The following NECTIN1 variants were observed in gnomAD, a reference collection of about 807,000 sequenced individuals.
NECTIN1 encodes the protein nectin cell adhesion molecule 1, also known as nectin-1.
NECTIN1 carries 23 observed loss-of-function variants against 48.0 expected under a neutral mutation model. That is an observed-to-expected ratio of 0.48 (90% confidence interval 0.34 to 0.68). The LOEUF is 0.68. Ranked by LOEUF, NECTIN1 falls within the 30% of genes least tolerant of loss-of-function variation. The pLI is 0.01. For missense variants in NECTIN1, 591 were observed against 709.9 expected (o/e 0.83, Z 1.90); for synonymous variants, 270 against 288.9 (o/e 0.93, Z 0.66).
intron 5 of NECTIN1, among the ~76,000 whole-genome samples, chr11:119,643,803 G>A (rs892338862): frequency 3.3e-5 from 5 of 152,372 alleles, no homozygotes; most frequent in Admixed American, 2.0e-4. Context: ...GCTGTGAGCC[G>A]GGAGAGCTGG....
Position 119,664,389 on chromosome 11 carries a change from G to C in NECTIN1, c.*358C>G, listed in dbSNP as rs1470083343. On this transcript the variant is annotated 3_prime_UTR_variant, in exon 6 of 6. Transcript: ENST00000264025. ...GAAACACAAACAAATTCCAGTGTAG[G>C]GGGGCGGGGGAGGCTGGCTCCCCAA... is the stretch of plus-strand genomic sequence containing the variant. 6 of 1,070,266 alleles carry C rather than the reference G, an allele frequency of 5.6e-6. No individual in the cohort carries two copies. The South Asian group carries it at 2.3e-4, about 41-fold the overall frequency. The allele number at this position is 1,070,266 out of a possible 1,614,324, so 66.3% of individuals were successfully genotyped here.
chr11:119,638,949 G>T, intron 6 of NECTIN1: 1 of 727,344 alleles, frequency 1.4e-6, no homozygotes. Flanking sequence ...CTCCTGAGAG[G>T]CCAGAGCTTG....
At chr11:119,638,918 G>A (rs1397777191) in intron 6 of NECTIN1, 9 of 924,340 alleles carry the variant, frequency 9.7e-6, no homozygotes, top group Non-Finnish European at 1.5e-5. Flanking sequence ...GCAGGCCCGG[G>A]AGCTCTGCTT....
At chr11:119,716,839 GGCGCGTGCACACGCGCGCGCACGC>G (rs1173981587) in intron 1 of NECTIN1, among the ~76,000 whole-genome samples, 1 of 152,234 alleles carries the variant, frequency 6.6e-6, no homozygotes, top group African/African-American at 2.4e-5. Context: ...ATCAGAAGCA[GGCGCGTGCACACGCGCGCGCACGC>G]ACGCACGCAC....
chr11:119,639,527 G>A, intron 6 of NECTIN1: 1 of 402,640 alleles, frequency 2.5e-6, no homozygotes, highest in Non-Finnish European at 4.7e-6. Flanking sequence ...ACGGCTGGGA[G>A]CACGTAAACT....
intron 1 of NECTIN1, among the ~76,000 whole-genome samples, chr11:119,691,144 G>A (rs1332324434): frequency 1.3e-5 from 2 of 151,998 alleles, no homozygotes; most frequent in African/African-American, 2.4e-5. Flanking sequence ...AGTAGCCCCC[G>A]CCCAGGTCTC....
intron 1 of NECTIN1, chr11:119,713,602 C>T (rs956993253): frequency 3.8e-5 from 10 of 260,028 alleles, no homozygotes; most frequent in Non-Finnish European, 7.8e-5. Flanking sequence ...TCTCCAGGTG[C>T]TCTGGTGGCT....
Position 119,681,794 on chromosome 11 carries a change from G to A in NECTIN1, c.80-3029C>T, listed in dbSNP as rs551745546. On this transcript the variant is annotated intron_variant, in intron 1 of 5. Coordinates refer to ENST00000264025, the MANE Select transcript of NECTIN1 (RefSeq NM_002855.5). Reference sequence around the variant, plus strand: ...CTCTCTCTTACTGGGCACCAAGTGGGTGCCCCTCGTCCTGGACATTTTTGC... The same window carrying A: ...CTCTCTCTTACTGGGCACCAAGTGGATGCCCCTCGTCCTGGACATTTTTGC... Among the ~76,000 whole-genome samples the A allele has an allele frequency of 3.0e-4, 45 of 152,328 alleles. 1 individual carries two copies. The highest frequency in any genetic ancestry group is 6.8e-3 in the Middle Eastern group (2 of 294).
chr11:119,704,340 C>A (rs191256190), intron 1 of NECTIN1, among the ~76,000 whole-genome samples: 122 of 152,236 alleles, frequency 8.0e-4, no homozygotes, highest in African/African-American at 2.9e-3. Flanking sequence ...CATGCCTCAG[C>A]CTCCCAAGTA....
At position 119,727,126 on chromosome 11, in the gene NECTIN1, G is replaced by A. The variant is rs369143786; in HGVS notation, c.79+1349C>T. Reference sequence around the variant, plus strand: ...TCCACCACTTAGTGAGATTGGCGGGGCCCTCGTAGTGAGCTGGCTGGCAGC... The same window carrying A: ...TCCACCACTTAGTGAGATTGGCGGGACCCTCGTAGTGAGCTGGCTGGCAGC... On this transcript the variant is annotated intron_variant, in intron 1 of 5. Transcript: ENST00000264025. This position sits in a 1 kb window ranked among gnomAD's most constrained non-coding sequence, Gnocchi z 4.1. Among the ~76,000 whole-genome samples the A allele has an allele frequency of 1.0e-3, 159 of 152,282 alleles. 1 individual carries two copies. The highest frequency in any genetic ancestry group is 3.5e-3 in the African/African-American group (147 of 41,546).
chr11:119,648,289 A>ATGGTGATGG (rs1864431330), intron 5 of NECTIN1, among the ~76,000 whole-genome samples: 1 of 10,750 alleles, frequency 9.3e-5, no homozygotes, highest in Non-Finnish European at 2.0e-4. Context: ...GGTGGTGGTG[A>ATGGTGATGG]TGGTGGTGGT....
intron 4 of NECTIN1, chr11:119,675,511 T>C: frequency 1.7e-6 from 1 of 588,842 alleles, no homozygotes. Flanking sequence ...TATTTGATCA[T>C]AATATGGGAA....
chr11:119,666,509 C>G (rs917560810), intron 5 of NECTIN1, among the ~76,000 whole-genome samples: 1 of 152,208 alleles, frequency 6.6e-6, no homozygotes, highest in Admixed American at 6.5e-5. Context: ...GGCCATGCCA[C>G]GGGCCAAAGA....
At chr11:119,654,514 C>A (rs2135534395) in intron 5 of NECTIN1, among the ~76,000 whole-genome samples, 1 of 151,934 alleles carries the variant, frequency 6.6e-6, no homozygotes, top group Middle Eastern at 3.4e-3. Context: ...AATACCTGGC[C>A]CTCAGAATGG....
In NECTIN1 at chr11:119,651,430, TG is replaced by T. The variant is rs879824149; in HGVS notation, c.1004-11419del. The stretch of plus-strand genomic sequence containing the variant: ...GGAGACGGACAGCCCCAGTCTTTCT[TG>T]GGGGGGGTCTGTCCTCGCCACCCCA... On this transcript the variant is annotated intron_variant, in intron 5 of 7. Coordinates refer to the NECTIN1 transcript ENST00000341398. Among the ~76,000 whole-genome samples the T allele has an allele frequency of 2.0e-4, 31 of 151,734 alleles. No homozygotes were observed. The South Asian group carries it at 3.5e-3, about 17-fold the overall frequency.
At chr11:119,638,914 C>T (rs1864278698) in intron 6 of NECTIN1, 1 of 1,040,026 alleles carries the variant, frequency 9.6e-7, no homozygotes, top group Admixed American at 1.9e-5. Context: ...AAGAGCAGGC[C>T]CGGGAGCTCT....
rs944584511 is a variant in NECTIN1, at chr11:119,663,370, C to T, written c.*1377G>A. 1.0e-6 allele frequency: 1 copy of T among 985,324 alleles called. No homozygotes were observed. Among genetic ancestry groups the T allele is most frequent in the African/African-American group, 1.7e-5 (1 of 57,234 alleles). 61.0% of individuals were successfully genotyped at this position (985,324 alleles called of 1,614,324 possible). A position where few individuals can be genotyped will look rare whatever the true frequency, so the allele number is the denominator to read the frequency against. ...CCCAGTCTGGGGTGGCTGATAGGAACTCAATGTCCCATTCAAGAAGGGAAT... is the reference window on the plus strand; with the variant it reads ...CCCAGTCTGGGGTGGCTGATAGGAATTCAATGTCCCATTCAAGAAGGGAAT... On this transcript the variant is annotated 3_prime_UTR_variant, in exon 6 of 6. Transcript: ENST00000264025.
Position 119,662,976 on chromosome 11 carries a change from G to A in NECTIN1, c.*1771C>T. 2.0e-6 allele frequency: 2 copies of A among 981,084 alleles called. No homozygotes were observed. Among genetic ancestry groups the A allele is most frequent in the Non-Finnish European group, 2.4e-6 (2 of 828,558 alleles). 60.8% of individuals were successfully genotyped at this position (981,084 alleles called of 1,614,324 possible). A position where few individuals can be genotyped will look rare whatever the true frequency, so the allele number is the denominator to read the frequency against. ...CCACCTGCTGGGCCCAGGGTTGCCA[G>A]GGCAGAAATGGAGCTGGCAGGGGGT... On this transcript the variant is annotated 3_prime_UTR_variant, in exon 6 of 6. Transcript: ENST00000264025. This position sits in a 1 kb window ranked among gnomAD's most constrained non-coding sequence, Gnocchi z 5.3.
In NECTIN1 at chr11:119,676,380, G is replaced by C. The variant is rs574814680; in HGVS notation, c.851+722C>G. Among the ~76,000 whole-genome samples the C allele has an allele frequency of 3.0e-4, 45 of 152,298 alleles. No individual in the cohort carries two copies. In the South Asian group the frequency reaches 9.1e-3, roughly 31 times the overall value. Reference sequence around the variant, plus strand: ...CCAGGAAGTGGAGGATCATAGGTAGGGCATACCAGTGCCCTCTGCTCCCCA... The same window carrying C: ...CCAGGAAGTGGAGGATCATAGGTAGCGCATACCAGTGCCCTCTGCTCCCCA... On this transcript the variant is annotated intron_variant, in intron 4 of 5. Transcript: ENST00000264025.
Sources: allele counts gnomAD v4.1 joint callset (sites outside exome capture counted in the v4.1 genomes callset), GRCh38; gene constraint gnomAD v4.1.1; non-coding constraint Gnocchi (gnomAD v3.1); transcripts MANE v1.5; gene names NCBI Gene and HGNC (gene_info 2026-07-23, HGNC 2026-07-21).